The following RIMS2 variants were observed in gnomAD, a reference collection of about 807,000 sequenced individuals.
RIMS2 encodes the protein regulating synaptic membrane exocytosis 2.
Under a neutral mutation model 174.4 loss-of-function variants are expected in RIMS2, and 59 were observed. The ratio of observed to expected loss-of-function variants is 0.34; its 90% CI spans 0.27 to 0.42. The LOEUF is 0.42. Among genes scored for constraint, RIMS2 ranks in the 10% least tolerant of loss-of-function variants. The probability of loss-of-function intolerance (pLI) is 1.00; values close to 1 mark genes in which losing one functional copy is unlikely to be tolerated. For synonymous variants in RIMS2, 606 were observed against 572.5 expected (o/e 1.06, Z -0.84); for missense variants, 1,620 against 1,666.3 (o/e 0.97, Z 0.48).
intron 3 of RIMS2, among the ~76,000 whole-genome samples, chr8:103,814,032 T>C (rs1020042590): frequency 1.2e-4 from 18 of 152,136 alleles, no homozygotes; most frequent in Non-Finnish European, 1.3e-4. Flanking sequence ...CATAAAAAAA[T>C]GTGGTAAATA....
intron 2 of RIMS2, among the ~76,000 whole-genome samples, chr8:103,714,944 T>C (rs2097350820): frequency 6.6e-6 from 1 of 152,124 alleles, no homozygotes. Context: ...TAACATGTAA[T>C]TATATTATTA....
At chr8:103,819,087 A>G (rs2098735276) in intron 3 of RIMS2, 4 of 393,722 alleles carry the variant, frequency 1.0e-5, no homozygotes, top group Admixed American at 5.9e-5. Flanking sequence ...CCTTGTCCCC[A>G]TTTTTATTAC....
intron 1 of RIMS2, among the ~76,000 whole-genome samples, chr8:103,631,483 G>T (rs181210585): frequency 6.6e-6 from 1 of 152,234 alleles, no homozygotes; most frequent in East Asian, 1.9e-4. Context: ...CTGTTTCATT[G>T]GTCTATGTGC....
intron 19 of RIMS2, among the ~76,000 whole-genome samples, chr8:104,054,876 G>A (rs2096843224): frequency 6.6e-6 from 1 of 152,040 alleles, no homozygotes; most frequent in African/African-American, 2.4e-5. Context: ...TAAAGAAAAT[G>A]TAAATATTTT....
chr8:104,078,483 C>G (rs943197323), intron 19 of RIMS2, among the ~76,000 whole-genome samples: 2 of 152,076 alleles, frequency 1.3e-5, no homozygotes, highest in African/African-American at 4.8e-5. Context: ...GTCCTAATCT[C>G]TTCTTATAAG....
At chr8:103,935,451 A>G (rs2081032005) in intron 12 of RIMS2, among the ~76,000 whole-genome samples, 1 of 152,216 alleles carries the variant, frequency 6.6e-6, no homozygotes, top group Admixed American at 6.5e-5. Flanking sequence ...TCTATATTAA[A>G]CTTAAAATTC....
At chr8:103,641,637 G>A (rs2096233029) in intron 1 of RIMS2, among the ~76,000 whole-genome samples, 2 of 152,024 alleles carry the variant, frequency 1.3e-5, no homozygotes, top group Non-Finnish European at 2.9e-5. Flanking sequence ...AGGTGTTTAG[G>A]TCATGGAGGT....
In RIMS2 at chr8:103,942,765, G is replaced by T. The variant is rs756396459; in HGVS notation, c.2548-8G>T. ...ATTATAACCGTCCTTTGTCTCTTGG[G>T]TTTGTAGATTTTAATTGAATTAGAA... On this transcript the variant is annotated splice_region_variant and splice_polypyrimidine_tract_variant and intron_variant, in intron 13 of 23. Transcript: ENST00000504942. 1.9e-6 allele frequency: 3 copies of T among 1,603,852 alleles called. No homozygotes were observed. The highest frequency in any genetic ancestry group is 1.3e-5 in the African/African-American group (1 of 74,634).
chr8:104,006,626 TTCTC>T (rs55665972), intron 17 of RIMS2, among the ~76,000 whole-genome samples: 8,680 of 138,044 alleles, frequency 0.063, 281 homozygotes, highest in South Asian at 0.1. Context: ...AGTGATCTAT[TTCTC>T]TCTCTCTCTC....
chr8:103,904,389 C>G (rs1449129243), intron 4 of RIMS2, among the ~76,000 whole-genome samples: 2 of 151,874 alleles, frequency 1.3e-5, no homozygotes, highest in Admixed American at 6.6e-5. Flanking sequence ...GGTGAAATTT[C>G]TGTTTATATA....
At chr8:104,210,372 A>G (rs1000087439) in intron 19 of RIMS2, among the ~76,000 whole-genome samples, 1 of 152,234 alleles carries the variant, frequency 6.6e-6, no homozygotes, top group Admixed American at 6.5e-5. Context: ...AGAAGAGTTT[A>G]CAGGTAGAAA....
chr8:103,931,290 C>G (rs752926449), exon 12 of RIMS2: 1 of 1,602,148 alleles, frequency 6.2e-7, no homozygotes, highest in African/African-American at 1.3e-5. Flanking sequence ...CAAGGTTGGT[C>G]ACCAATTAAT....
At chr8:103,633,430 G>A (rs1035171565) in intron 1 of RIMS2, among the ~76,000 whole-genome samples, 1 of 152,020 alleles carries the variant, frequency 6.6e-6, no homozygotes, top group Non-Finnish European at 1.5e-5. Flanking sequence ...TTGTGCTGCT[G>A]GATTCAGTTT....
intron 19 of RIMS2, among the ~76,000 whole-genome samples, chr8:104,172,010 C>T (rs1002804528): frequency 1.3e-5 from 2 of 152,124 alleles, no homozygotes; most frequent in Non-Finnish European, 2.9e-5. Context: ...CACTGTCTCC[C>T]ATGGGGTTGG....
intron 19 of RIMS2, among the ~76,000 whole-genome samples, chr8:104,058,092 G>T (rs1434166903): frequency 6.7e-6 from 1 of 149,330 alleles, no homozygotes; most frequent in Non-Finnish European, 1.5e-5. Context: ...CCAGTAATGG[G>T]ATGGCTGGGT....
At chr8:103,913,269 C>T (rs373620219) in intron 6 of RIMS2, among the ~76,000 whole-genome samples, 13 of 151,688 alleles carry the variant, frequency 8.6e-5, no homozygotes, top group South Asian at 2.1e-4. Context: ...TGAGCCACTG[C>T]GCTCAGCCCA....
intron 1 of RIMS2, chr8:103,559,308 C>G (rs559912921): frequency 2.4e-4 from 51 of 209,150 alleles, no homozygotes; most frequent in Non-Finnish European, 4.9e-4. Flanking sequence ...AGGGACATCT[C>G]TTCCATTTTC....
At chr8:103,537,580 TG>T (rs1840426058) in intron 1 of RIMS2, among the ~76,000 whole-genome samples, 1 of 152,184 alleles carries the variant, frequency 6.6e-6, no homozygotes, top group Non-Finnish European at 1.5e-5. Flanking sequence ...CATTTTTTTT[TG>T]CCTCAGCCTC....
chr8:103,985,566 TTAAG>T (rs1161147257), intron 16 of RIMS2, among the ~76,000 whole-genome samples: 1 of 151,200 alleles, frequency 6.6e-6, no homozygotes, highest in East Asian at 1.9e-4. Flanking sequence ...TTTGGGATTA[TTAAG>T]TATTTTGTGC....
Sources: allele counts gnomAD v4.1 joint callset (sites outside exome capture counted in the v4.1 genomes callset), GRCh38; gene constraint gnomAD v4.1.1; transcripts MANE v1.5; gene names NCBI Gene and HGNC (gene_info 2026-07-23, HGNC 2026-07-21).